The following ULK4 variants were observed in gnomAD, a reference collection of about 807,000 sequenced individuals.
ULK4 encodes the protein unc-51 like kinase 4.
Under a neutral mutation model 160.6 loss-of-function variants are expected in ULK4, and 133 were observed. The observed-to-expected ratio is 0.83, with a 90% CI of 0.72 to 0.96. ULK4 has a LOEUF of 0.96. Among genes scored for constraint, ULK4 ranks in the 40% least tolerant of loss-of-function variants. The pLI, the probability that ULK4 is intolerant of heterozygous loss-of-function variation, is 0.00. For synonymous variants in ULK4, 534 were observed against 539.8 expected (o/e 0.99, Z 0.15); for missense variants, 1,580 against 1,499.5 (o/e 1.05, Z -0.89).
rs901037602 is a variant in ULK4, at chr3:41,480,439, G to C, written c.3227-17186C>G. 1.6e-4 allele frequency among the ~76,000 whole-genome samples: 24 copies of C among 151,912 alleles called. 1 individual carries two copies. Among genetic ancestry groups the C allele is most frequent in the Non-Finnish European group, 7.4e-5 (5 of 67,972 alleles). ...GGGTTTGAACTATATCCACTTGAAT[G>C]CAATTTTCTTCTGCCTCTGCCACTC... On this transcript the variant is annotated intron_variant, in intron 32 of 36. Coordinates refer to ENST00000301831, the MANE Select transcript of ULK4 (RefSeq NM_017886.4).
At chr3:41,853,991 A>C (rs574546330) in intron 17 of ULK4, 38 of 152,322 alleles carry the variant, frequency 2.5e-4, no homozygotes, top group African/African-American at 8.7e-4. Context: ...CTCATTTGGC[A>C]TAAATTCCTG....
At chr3:41,795,003 T>C (rs747975983) in intron 20 of ULK4, among the ~76,000 whole-genome samples, 10 of 152,288 alleles carry the variant, frequency 6.6e-5, no homozygotes, top group Admixed American at 1.3e-4. Flanking sequence ...GGCCAAATCA[T>C]GCAAGATACT....
intron 31 of ULK4, among the ~76,000 whole-genome samples, chr3:41,597,277 T>C (rs2031756885): frequency 6.6e-6 from 1 of 152,172 alleles, no homozygotes; most frequent in Non-Finnish European, 1.5e-5. Flanking sequence ...TACCAAAGGA[T>C]TCTCCAGGAA....
chr3:41,754,518 G>A lies in ULK4; in HGVS notation c.2194-30C>T, dbSNP rs1280044783. ...AGAAGACATTTAAACAATTTTTTGA[G>A]AGAACATAAAAAAATAGGGCAGTCT... On this transcript the variant is annotated intron_variant, in intron 21 of 36. Coordinates refer to ENST00000301831, the MANE Select transcript of ULK4 (RefSeq NM_017886.4). The A allele has an allele frequency of 6.3e-6, 10 of 1,596,430 alleles. No individual in the cohort carries two copies. The Admixed American group carries it at 7.1e-5, about 11-fold the overall frequency.
Position 41,779,996 on chromosome 3 carries a change from A to T in ULK4, c.2193+9665T>A, listed in dbSNP as rs1486481533. ...AACTTAGAGTATAATAAAAAAAAAA[A>T]AAAAAAAAAAGGTACAAAATGGGCC... On this transcript the variant is annotated intron_variant, in intron 21 of 36. Coordinates refer to ENST00000301831, the MANE Select transcript of ULK4 (RefSeq NM_017886.4). 4.0e-5 allele frequency among the ~76,000 whole-genome samples: 6 copies of T among 150,808 alleles called. 1 individual carries two copies. The highest frequency in any genetic ancestry group is 9.8e-5 in the African/African-American group (4 of 40,840).
chr3:41,305,876 C>G (rs1306067358), intron 35 of ULK4, among the ~76,000 whole-genome samples: 20 of 148,910 alleles, frequency 1.3e-4, no homozygotes, highest in African/African-American at 5.0e-4. Flanking sequence ...CCCCCCGCCC[C>G]GTCTGGGATG....
At chr3:41,421,839 ACTT>A (rs963162338) in intron 34 of ULK4, among the ~76,000 whole-genome samples, 2 of 152,148 alleles carry the variant, frequency 1.3e-5, no homozygotes, top group African/African-American at 4.8e-5. Context: ...GGAGTTGTCT[ACTT>A]CTTGAAAATT....
intron 30 of ULK4, among the ~76,000 whole-genome samples, chr3:41,659,176 A>G (rs1162131653): frequency 2.0e-5 from 3 of 152,178 alleles, no homozygotes; most frequent in East Asian, 3.8e-4. Flanking sequence ...AATTGGTACA[A>G]CCCACCTGGA....
chr3:41,591,679 C>T (rs113584751), intron 31 of ULK4, among the ~76,000 whole-genome samples: 1 of 152,114 alleles, frequency 6.6e-6, no homozygotes, highest in South Asian at 2.1e-4. Context: ...ATTTAAATTT[C>T]TTTAACTGGA....
intron 31 of ULK4, among the ~76,000 whole-genome samples, chr3:41,596,079 G>A (rs1291250119): frequency 6.6e-6 from 1 of 152,186 alleles, no homozygotes; most frequent in Non-Finnish European, 1.5e-5. Flanking sequence ...TAGAAGCAGG[G>A]ATACTCTAGT....
intron 21 of ULK4, among the ~76,000 whole-genome samples, chr3:41,784,400 C>T (rs1158951713): frequency 6.6e-6 from 1 of 152,100 alleles, no homozygotes; most frequent in Admixed American, 6.5e-5. Context: ...CTCTATTGCA[C>T]TCCAGCCTGG....
At position 41,637,557 on chromosome 3, in the gene ULK4, G is replaced by A. The variant is rs540458483; in HGVS notation, c.3072-21840C>T. 1.7e-4 allele frequency among the ~76,000 whole-genome samples: 26 copies of A among 152,216 alleles called. No homozygotes were observed. In the South Asian group the frequency reaches 4.8e-3, roughly 28 times the overall value. ...TTTCAATCTCTTTGGATAAATATTC[G>A]GTAGTGGCATTGCTGGAACACATGG... On this transcript the variant is annotated intron_variant, in intron 30 of 36. Coordinates refer to ENST00000301831, the MANE Select transcript of ULK4 (RefSeq NM_017886.4).
chr3:41,809,162 T>C (rs1481132931), intron 19 of ULK4, among the ~76,000 whole-genome samples: 1 of 133,722 alleles, frequency 7.5e-6, no homozygotes, highest in African/African-American at 2.7e-5. Flanking sequence ...CAAGACTCCG[T>C]CTCAAAAAAA....
At chr3:41,554,734 A>C (rs2087222236) in intron 32 of ULK4, among the ~76,000 whole-genome samples, 1 of 152,190 alleles carries the variant, frequency 6.6e-6, no homozygotes, top group Non-Finnish European at 1.5e-5. Context: ...ACACAAAGAA[A>C]TGGGGTGATA....
chr3:41,260,917 G>A (rs149339080), intron 35 of ULK4, among the ~76,000 whole-genome samples: 4 of 152,326 alleles, frequency 2.6e-5, no homozygotes, highest in African/African-American at 9.6e-5. Flanking sequence ...TCACTGGGAG[G>A]CCCCAAGCAT....
chr3:41,874,084 G>C (rs895808027), intron 17 of ULK4, among the ~76,000 whole-genome samples: 25 of 152,022 alleles, frequency 1.6e-4, no homozygotes, highest in Non-Finnish European at 8.8e-5. Flanking sequence ...AGTGCAACAA[G>C]TGCTATTTGT....
intron 18 of ULK4, 140 bp downstream of exon 18, chr3:41,835,724 C>T (rs2041733784): frequency 7.3e-6 from 4 of 545,588 alleles, no homozygotes; most frequent in Non-Finnish European, 1.3e-5. Flanking sequence ...ATTCTCTCCC[C>T]AAGAGGTAAA....
chr3:41,691,151 G>A (rs1302958285), intron 27 of ULK4, among the ~76,000 whole-genome samples: 1 of 151,970 alleles, frequency 6.6e-6, no homozygotes, highest in Middle Eastern at 3.4e-3. Flanking sequence ...TGACCTTCTA[G>A]GAACATTCTA....
intron 30 of ULK4, among the ~76,000 whole-genome samples, chr3:41,625,410 A>T (rs1211583095): frequency 6.6e-6 from 1 of 152,170 alleles, no homozygotes; most frequent in African/African-American, 2.4e-5. Flanking sequence ...ATCTCCTCTC[A>T]CACAAGCATA....
Sources: allele counts gnomAD v4.1 joint callset (sites outside exome capture counted in the v4.1 genomes callset), GRCh38; gene constraint gnomAD v4.1.1; transcripts MANE v1.5; gene names NCBI Gene and HGNC (gene_info 2026-07-23, HGNC 2026-07-21).